Variants in MTERF2 observed in about 807,000 individuals in gnomAD.
MTERF2 encodes mitochondrial transcription termination factor 2, also known as transcription termination factor 2, mitochondrial.
Under a neutral mutation model 29.2 loss-of-function variants are expected in MTERF2, and 23 were observed. That is an observed-to-expected ratio of 0.79 (90% CI 0.57 to 1.12). The LOEUF is 1.12. Ranked by LOEUF, MTERF2 falls within the 50% of genes most tolerant of loss-of-function variation. The pLI, the probability that MTERF2 is intolerant of heterozygous loss-of-function variation, is 0.00. For synonymous variants in MTERF2, 157 were observed against 159.5 expected, an observed-to-expected ratio of 0.98 and a Z score of 0.12; for missense variants, 440 against 429.4, an observed-to-expected ratio of 1.02 and a Z score of -0.22.
At chr12:106,985,492 C>T (rs1394240534) in intron 1 of MTERF2, 2 of 152,274 alleles carry the variant, frequency 1.3e-5, no homozygotes, top group African/African-American at 4.8e-5. Context: ...TTCTAACCTT[C>T]ACGAATACAT....
intron 2 of MTERF2, among the ~76,000 whole-genome samples, chr12:106,979,015 TAAAAA>T (rs550828598): frequency 2.8e-5 from 4 of 144,164 alleles, no homozygotes; most frequent in Non-Finnish European, 4.6e-5. Context: ...GTGAAACTCT[TAAAAA>T]AAAAAAACCT....
chr12:106,981,969 A>G (rs978950339), intron 2 of MTERF2, among the ~76,000 whole-genome samples: 1 of 152,226 alleles, frequency 6.6e-6, no homozygotes, highest in Non-Finnish European at 1.5e-5. Flanking sequence ...ACAACTGTTC[A>G]TATTTTGGCA....
intron 2 of MTERF2, among the ~76,000 whole-genome samples, chr12:106,983,178 C>T (rs201758301): frequency 6.6e-6 from 1 of 152,018 alleles, no homozygotes; most frequent in Non-Finnish European, 1.5e-5. Context: ...ATATAAATAA[C>T]AAAAAATTTA....
At position 106,978,119 on chromosome 12, in the gene MTERF2, C is replaced by A; in HGVS notation, c.596G>T (p.Gly199Val). 1 of 1,614,104 alleles carries A rather than the reference C, an allele frequency of 6.2e-7. No individual in the cohort carries two copies. Among genetic ancestry groups the A allele is most frequent in the Non-Finnish European group, 8.5e-7 (1 of 1,180,010 alleles). Reference sequence around the variant, plus strand: ...AACTTTCATGTTGGCCTCAGAGCCACCTACATCTAGATAACTCTCTTGGAG... The same window carrying A: ...AACTTTCATGTTGGCCTCAGAGCCAACTACATCTAGATAACTCTCTTGGAG... ...RILQESYLDV[G>V]GSEANMKVWL... Residue 199 changes from glycine to valine, a missense_variant, in exon 3 of 3, where the codon GGT becomes GTT. Coordinates refer to ENST00000240050, the MANE Select transcript of MTERF2 (RefSeq NM_001033050.3).
rs754626196 is a variant in MTERF2, at chr12:106,977,833, A to T, written c.882T>A (p.Tyr294Ter). The T allele has an allele frequency of 6.8e-6, 11 of 1,613,868 alleles. 1 individual carries two copies. The South Asian group carries it at 1.2e-4, about 18-fold the overall frequency. The change falls in exon 3 of 3, where the codon TAT becomes TAA. Residue 294 changes from tyrosine to a stop codon, truncating the protein, a stop_gained. Transcript: ENST00000240050. LOFTEE classifies it high-confidence loss of function. ...TTCTCTCTTCTAAAACTGGAACAGA[A>T]TAATATAAAAGGGCAGGACATTTCA... is the stretch of plus-strand genomic sequence containing the variant. ...LVLKCPALLY[Y>*]SVPVLEERMQ...
chr12:106,981,990 T>C (rs1952057654), intron 2 of MTERF2, among the ~76,000 whole-genome samples: 1 of 152,188 alleles, frequency 6.6e-6, no homozygotes, highest in Non-Finnish European at 1.5e-5. Flanking sequence ...TACATGATGA[T>C]GTGTGACCTG....
intron 2 of MTERF2, among the ~76,000 whole-genome samples, chr12:106,983,823 A>G (rs1328240085): frequency 1.3e-5 from 2 of 152,054 alleles, no homozygotes; most frequent in Admixed American, 6.6e-5. Flanking sequence ...CAATTCCCCA[A>G]AGGGGCCAAG....
Position 106,978,611 on chromosome 12 carries a change from T to C in MTERF2, c.104A>G (p.Tyr35Cys). 1 of 1,614,230 alleles carries C rather than the reference T, an allele frequency of 6.2e-7. No homozygotes were observed. The highest frequency in any genetic ancestry group is 8.5e-7 in the Non-Finnish European group (1 of 1,180,032). Residue 35 changes from tyrosine to cysteine, a missense_variant, in exon 3 of 3, where the codon TAT becomes TGT. Physicochemically the swap from Tyr to Cys is radical, Grantham distance 194. Coordinates refer to ENST00000240050, the MANE Select transcript of MTERF2 (RefSeq NM_001033050.3). ...TTTGCTCGACTGTTTATCAGTTGTA[T>C]AGGTGAAGCATGCTAAGAAAGGTCT... ...KYRPFLACFT[Y>C]TTDKQSSKEN...
chr12:106,983,432 T>C (rs950192118), intron 2 of MTERF2, among the ~76,000 whole-genome samples: 1 of 152,252 alleles, frequency 6.6e-6, no homozygotes, highest in African/African-American at 2.4e-5. Context: ...GTCTGGCTTA[T>C]TTCATTTAGC....
In MTERF2 at chr12:106,984,921, CT is replaced by C. The variant is rs533218680; in HGVS notation, c.-58+193del. ...CAAGCCATGAGCCACCACACCCAGCCTTCCTTATCTCTTTTGACTTCTGCAG... is the reference window on the plus strand; with the variant it reads ...CAAGCCATGAGCCACCACACCCAGCCTCCTTATCTCTTTTGACTTCTGCAG... On this transcript the variant is annotated intron_variant, in intron 2 of 2. Transcript: ENST00000240050. Among the ~76,000 whole-genome samples the C allele has an allele frequency of 2.3e-3, 349 of 152,256 alleles. 2 individuals are homozygous for C. The highest frequency in any genetic ancestry group is 8.0e-3 in the African/African-American group (334 of 41,552).
chr12:106,986,116 C>CA (rs1378954591), intron 1 of MTERF2: 1 of 152,166 alleles, frequency 6.6e-6, no homozygotes, highest in Non-Finnish European at 1.5e-5. Flanking sequence ...CACAGAGAGA[C>CA]AAAATTAGTA....
At position 106,978,299 on chromosome 12, in the gene MTERF2, G is replaced by T. The variant is rs780527862; in HGVS notation, c.416C>A (p.Ser139Tyr). The T allele has an allele frequency of 6.2e-7, 1 of 1,614,102 alleles. No homozygotes were observed. The highest frequency in any genetic ancestry group is 8.5e-7 in the Non-Finnish European group (1 of 1,180,024). ...LIKLIEQFPE[S>Y]FFTIKDQENQ... Reference sequence around the variant, plus strand: ...CTCTTGGTCTTTAATAGTAAAGAAAGATTCTGGAAACTGCTCTATTAACTT... The same window carrying T: ...CTCTTGGTCTTTAATAGTAAAGAAATATTCTGGAAACTGCTCTATTAACTT... Residue 139 changes from serine to tyrosine, a missense_variant, in exon 3 of 3, where the codon TCT becomes TAT. Transcript: ENST00000240050.
At position 106,983,313 on chromosome 12, in the gene MTERF2, A is replaced by G. The variant is rs186786431; in HGVS notation, c.-58+1802T>C. Among the ~76,000 whole-genome samples the G allele has an allele frequency of 2.4e-3, 357 of 151,894 alleles. 1 individual carries two copies. The highest frequency in any genetic ancestry group is 4.3e-3 in the Non-Finnish European group (289 of 67,920). ...TGCCCATTAAACAATAACTCTCCAT[A>G]CCCTCTTCCCTCCAGACACCAGTTA... On this transcript the variant is annotated intron_variant, in intron 2 of 2. Transcript: ENST00000240050.
chr12:106,985,397 T>A (rs986597907), intron 1 of MTERF2, 172 bp from the exon 2 acceptor site: 5 of 152,258 alleles, frequency 3.3e-5, no homozygotes, highest in African/African-American at 4.8e-5. Context: ...GTTTCTACCA[T>A]GTGGTCTTTG....
chr12:106,981,122 C>A (rs1030361830), intron 2 of MTERF2, among the ~76,000 whole-genome samples: 2 of 152,220 alleles, frequency 1.3e-5, no homozygotes, highest in South Asian at 4.1e-4. Flanking sequence ...CCCTGTTGAG[C>A]GACCCCACAA....
chr12:106,977,412 T>C lies in MTERF2; in HGVS notation c.*145A>G. On this transcript the variant is annotated 3_prime_UTR_variant, in exon 3 of 3. Coordinates refer to ENST00000240050, the MANE Select transcript of MTERF2 (RefSeq NM_001033050.3). Reference sequence around the variant, plus strand: ...TTATAATATGGCACATGAGTCAGAATTTATCTATTTAGAGATAACTTAAAT... The same window carrying C: ...TTATAATATGGCACATGAGTCAGAACTTATCTATTTAGAGATAACTTAAAT... The C allele has an allele frequency of 3.4e-6, 2 of 591,054 alleles. No individual in the cohort carries two copies. The highest frequency in any genetic ancestry group is 5.7e-5 in the South Asian group (2 of 35,034). 36.6% of individuals were successfully genotyped at this position (591,054 alleles called of 1,614,324 possible). A position where few individuals can be genotyped will look rare whatever the true frequency, so the allele number is the denominator to read the frequency against.
In MTERF2 at chr12:106,977,989, A is replaced by C; in HGVS notation, c.726T>G (p.Phe242Leu). The C allele has an allele frequency of 6.2e-7, 1 of 1,614,202 alleles. No individual in the cohort carries two copies. The highest frequency in any genetic ancestry group is 8.5e-7 in the Non-Finnish European group (1 of 1,180,022). Residue 242 changes from phenylalanine to leucine, a missense_variant, in exon 3 of 3, where the codon TTT (phenylalanine) becomes TTG (leucine). Coordinates refer to ENST00000240050, the MANE Select transcript of MTERF2 (RefSeq NM_001033050.3). ...GTTTGGATAGAAGCTGGAGAATTTC[A>C]AAGCTGGTGAAACCTTGCTCCTGGA... is the stretch of plus-strand genomic sequence containing the variant. ...EFLQEQGFTS[F>L]EILQLLSKLK...
At chr12:106,979,988 C>T (rs780883736) in intron 2 of MTERF2, among the ~76,000 whole-genome samples, 1 of 152,152 alleles carries the variant, frequency 6.6e-6, no homozygotes, top group Admixed American at 6.5e-5. Context: ...ACCTCCACCT[C>T]CCAAGTTCAA....
intron 2 of MTERF2, among the ~76,000 whole-genome samples, chr12:106,979,156 C>T (rs1952026795): frequency 6.6e-6 from 1 of 152,212 alleles, no homozygotes; most frequent in Admixed American, 6.5e-5. Context: ...CAAAGGTTCA[C>T]AGACCTCAAA....
Sources: gnomAD v4.1 joint callset for allele counts (sites outside exome capture counted in the v4.1 genomes callset) on GRCh38, gnomAD v4.1.1 for gene constraint, MANE v1.5 for transcripts, NCBI Gene and HGNC (gene_info 2026-07-23, HGNC 2026-07-21) for gene names.